Variants in MPZL1 observed in about 807,000 individuals in gnomAD.
MPZL1 encodes the protein myelin protein zero-like protein 1.
MPZL1 carries 16 observed loss-of-function variants against 29.3 expected under a neutral mutation model. That is an observed-to-expected ratio of 0.55 (90% CI 0.37 to 0.83). MPZL1 has a LOEUF of 0.83. Among genes scored for constraint, MPZL1 ranks in the 40% least tolerant of loss-of-function variants. The pLI, the probability that MPZL1 is intolerant of heterozygous loss-of-function variation, is 0.00. For missense variants in MPZL1, 279 were observed against 332.9 expected, an observed-to-expected ratio of 0.84 and a Z score of 1.26; for synonymous variants, 143 against 132.0, an observed-to-expected ratio of 1.08 and a Z score of -0.57.
intron 5 of MPZL1, among the ~76,000 whole-genome samples, chr1:167,777,437 A>C (rs1661394524): frequency 6.6e-6 from 1 of 152,206 alleles, no homozygotes; most frequent in African/African-American, 2.4e-5. Context: ...GCCTTGAAGC[A>C]GTTTCCACAC....
At chr1:167,742,706 C>G (rs114309918) in intron 1 of MPZL1, among the ~76,000 whole-genome samples, 1 of 152,114 alleles carries the variant, frequency 6.6e-6, no homozygotes, top group Non-Finnish European at 1.5e-5. Context: ...GAAGTCTTTG[C>G]GTAAGCTAAT....
chr1:167,724,238 C>T (rs536724773), intron 1 of MPZL1, among the ~76,000 whole-genome samples: 87 of 152,218 alleles, frequency 5.7e-4, no homozygotes, highest in African/African-American at 1.9e-3. Context: ...ATGAATGAAC[C>T]TGTTGGTAGT....
chr1:167,752,352 A>C (rs923432461), intron 1 of MPZL1, among the ~76,000 whole-genome samples: 13 of 152,176 alleles, frequency 8.5e-5, no homozygotes, highest in African/African-American at 2.9e-4. Context: ...GGTGGCATAA[A>C]TAACAATAAG....
At chr1:167,728,098 C>T (rs1217788007) in intron 1 of MPZL1, among the ~76,000 whole-genome samples, 1 of 143,936 alleles carries the variant, frequency 6.9e-6, no homozygotes, top group African/African-American at 2.6e-5. Context: ...GGAGTGCAGT[C>T]GCGCCATCTC....
At chr1:167,765,997 AC>A (rs1418912838) in intron 2 of MPZL1, 4 of 293,616 alleles carry the variant, frequency 1.4e-5, no homozygotes, top group African/African-American at 2.2e-5. Context: ...ATCTTAATTG[AC>A]CACACTGACT....
chr1:167,756,139 G>A (rs1363211798), intron 1 of MPZL1, among the ~76,000 whole-genome samples: 1 of 152,044 alleles, frequency 6.6e-6, no homozygotes, highest in Non-Finnish European at 1.5e-5. Context: ...GTAATCTTGT[G>A]TGTTAGTAAA....
At chr1:167,781,945 C>G (rs1166504442) in intron 5 of MPZL1, among the ~76,000 whole-genome samples, 1 of 152,076 alleles carries the variant, frequency 6.6e-6, no homozygotes, top group Non-Finnish European at 1.5e-5. Flanking sequence ...GTCACAATCT[C>G]TTTGAATTTT....
chr1:167,760,261 G>A (rs2101776515), intron 1 of MPZL1, among the ~76,000 whole-genome samples: 1 of 152,216 alleles, frequency 6.6e-6, no homozygotes, highest in East Asian at 1.9e-4. Flanking sequence ...AGAGTGTAGT[G>A]GTGTGATCTC....
chr1:167,739,260 C>T (rs12089493), intron 1 of MPZL1, among the ~76,000 whole-genome samples: 9 of 122,238 alleles, frequency 7.4e-5, no homozygotes, highest in Non-Finnish European at 1.2e-4. Flanking sequence ...CTAATACATA[C>T]ACATACATAT....
At chr1:167,757,923 G>A (rs1240153896) in intron 1 of MPZL1, among the ~76,000 whole-genome samples, 1 of 152,176 alleles carries the variant, frequency 6.6e-6, no homozygotes, top group East Asian at 1.9e-4. Context: ...GCCAAGGCAG[G>A]TGGATCACTT....
At chr1:167,751,916 A>G (rs751257476) in intron 1 of MPZL1, among the ~76,000 whole-genome samples, 1 of 152,208 alleles carries the variant, frequency 6.6e-6, no homozygotes, top group Non-Finnish European at 1.5e-5. Flanking sequence ...TAAATTTTCC[A>G]GTAATTATTC....
At chr1:167,724,271 T>A (rs1171170734) in intron 1 of MPZL1, among the ~76,000 whole-genome samples, 1 of 151,318 alleles carries the variant, frequency 6.6e-6, no homozygotes. Context: ...GAGGTTGGAG[T>A]GTATATAAGG....
intron 1 of MPZL1, among the ~76,000 whole-genome samples, chr1:167,756,602 G>T (rs1007417451): frequency 6.6e-6 from 1 of 152,064 alleles, no homozygotes; most frequent in Non-Finnish European, 1.5e-5. Context: ...GACACTTTTT[G>T]TGTTGGGCAT....
intron 1 of MPZL1, among the ~76,000 whole-genome samples, chr1:167,734,791 A>G (rs1416929583): frequency 6.6e-6 from 1 of 152,098 alleles, no homozygotes; most frequent in Non-Finnish European, 1.5e-5. Context: ...AGCAGGTTTA[A>G]TTGCCTCAGA....
intron 2 of MPZL1, among the ~76,000 whole-genome samples, chr1:167,772,048 G>A (rs564417956): frequency 3.9e-5 from 6 of 152,226 alleles, no homozygotes; most frequent in East Asian, 1.9e-4. Context: ...ACAGGAGCCC[G>A]AGGCAGGGAG....
At chr1:167,765,830 A>C in intron 2 of MPZL1, 81 bp downstream of exon 2, 1 of 1,315,048 alleles carries the variant, frequency 7.6e-7, no homozygotes, top group Non-Finnish European at 1.0e-6. Flanking sequence ...CATTTTTCTG[A>C]TGGTTCATTT....
chr1:167,751,180 C>A (rs957954066), intron 1 of MPZL1, among the ~76,000 whole-genome samples: 12 of 152,110 alleles, frequency 7.9e-5, no homozygotes, highest in African/African-American at 2.4e-4. Flanking sequence ...ATGGGTAATT[C>A]TTTGAAACTA....
intron 2 of MPZL1, 125 bp downstream of exon 2, chr1:167,765,874 T>TG: frequency 2.4e-6 from 2 of 819,278 alleles, no homozygotes; most frequent in Non-Finnish European, 3.6e-6. Flanking sequence ...TGTTATAGAC[T>TG]TCAAGGCCCT....
At chr1:167,774,633 G>A (rs1306839160) in intron 4 of MPZL1, 4 of 152,208 alleles carry the variant, frequency 2.6e-5, no homozygotes, top group Non-Finnish European at 5.9e-5. Flanking sequence ...CGGGGTTAAT[G>A]AGGGGCAGGA....
Sources: allele counts gnomAD v4.1 joint callset (sites outside exome capture counted in the v4.1 genomes callset), GRCh38; gene constraint gnomAD v4.1.1; transcripts MANE v1.5; gene names NCBI Gene and HGNC (gene_info 2026-07-23, HGNC 2026-07-21).